DLG2: variants seen among roughly 807,000 people sequenced by gnomAD.
DLG2 encodes disks large homolog 2.
A neutral mutation model predicts 132.5 loss-of-function variants in DLG2; 45 were observed. That is an observed-to-expected ratio of 0.34 (90% CI 0.27 to 0.44). The LOEUF is 0.44. Ranked by LOEUF, DLG2 falls within the 20% of genes least tolerant of loss-of-function variation. DLG2 has a pLI of 1.00. For missense variants in DLG2, 1,045 were observed against 1,196.9 expected, an observed-to-expected ratio of 0.87 and a Z score of 1.87; for synonymous variants, 424 against 419.6, an observed-to-expected ratio of 1.01 and a Z score of -0.13.
chr11:84,690,934 C>T (rs1404991959), intron 6 of DLG2, among the ~76,000 whole-genome samples: 1 of 151,798 alleles, frequency 6.6e-6, no homozygotes, highest in Non-Finnish European at 1.5e-5. Context: ...GATTCTTTGC[C>T]TCCATATAAG....
At chr11:84,708,509 C>T (rs916646468) in intron 6 of DLG2, among the ~76,000 whole-genome samples, 1 of 151,760 alleles carries the variant, frequency 6.6e-6, no homozygotes, top group African/African-American at 2.4e-5. Context: ...TTTGCATATT[C>T]TGGGTTTCCT....
chr11:83,669,452 C>A (rs1227332728), intron 18 of DLG2, among the ~76,000 whole-genome samples: 1 of 152,020 alleles, frequency 6.6e-6, no homozygotes, highest in African/African-American at 2.4e-5. Context: ...CATTTCTATG[C>A]CAATGTATAC....
intron 14 of DLG2, among the ~76,000 whole-genome samples, chr11:83,956,590 C>A (rs1280056778): frequency 6.6e-6 from 1 of 152,174 alleles, no homozygotes; most frequent in Non-Finnish European, 1.5e-5. Context: ...GCACGGTGGG[C>A]CAAGTAGACA....
chr11:85,573,277 C>A (rs561863739), intron 3 of DLG2, among the ~76,000 whole-genome samples: 1 of 152,308 alleles, frequency 6.6e-6, no homozygotes, highest in South Asian at 2.1e-4. Flanking sequence ...CCTCCTTCCA[C>A]CACTTCACAA....
Position 83,621,195 on chromosome 11 carries a change from C to G in DLG2, c.1940+12016G>C, listed in dbSNP as rs182759341. On this transcript the variant is annotated intron_variant, in intron 19 of 27. Transcript: ENST00000376104. ...AATTCAAATATATATTATAATTTGC[C>G]TTTTTGTTTATTATTTTTAGAATTC... Among the ~76,000 whole-genome samples, 160 of 151,978 alleles carry G rather than the reference C, an allele frequency of 1.1e-3. 3 individuals are homozygous for G. The Middle Eastern group carries it at 0.014, about 13-fold the overall frequency.
At position 83,959,768 on chromosome 11, in the gene DLG2, T is replaced by G. The variant is rs142441681; in HGVS notation, c.1340+3117A>C. ...GCCTTTGAAAACAGACAGACCTGAA[T>G]TCAAATTTTGATTCTATTTGATTGC... On this transcript the variant is annotated intron_variant, in intron 14 of 27. Transcript: ENST00000376104. Among the ~76,000 whole-genome samples, 9 of 152,220 alleles carry G rather than the reference T, an allele frequency of 5.9e-5. No homozygotes were observed. In the East Asian group the frequency reaches 1.7e-3, roughly 29 times the overall value.
At chr11:84,729,501 T>C (rs1207845296) in intron 6 of DLG2, among the ~76,000 whole-genome samples, 1 of 152,154 alleles carries the variant, frequency 6.6e-6, no homozygotes, top group African/African-American at 2.4e-5. Context: ...CTTCCAATTA[T>C]GTGGTTAATT....
intron 6 of DLG2, among the ~76,000 whole-genome samples, chr11:84,914,694 G>A (rs538307118): frequency 2.0e-5 from 3 of 152,328 alleles, no homozygotes; most frequent in South Asian, 4.1e-4. Context: ...TCCTTTCGAG[G>A]CACTGGCCTG....
chr11:83,965,603 T>C (rs2089989794), intron 12 of DLG2, 135 bp from the exon 13 acceptor site: 2 of 696,018 alleles, frequency 2.9e-6, no homozygotes, highest in African/African-American at 1.9e-5. Flanking sequence ...ATGAATTAAA[T>C]GCATTAGTCA....
At chr11:84,300,367 A>G (rs1409140158) in intron 7 of DLG2, among the ~76,000 whole-genome samples, 1 of 152,194 alleles carries the variant, frequency 6.6e-6, no homozygotes. Context: ...TGAAAAAAAA[A>G]GAACATTCAG....
chr11:83,859,859 G>A (rs1490817639), intron 16 of DLG2, among the ~76,000 whole-genome samples: 1 of 152,120 alleles, frequency 6.6e-6, no homozygotes, highest in African/African-American at 2.4e-5. Context: ...CCTCTTCCGT[G>A]TGCAGTCTAG....
intron 18 of DLG2, among the ~76,000 whole-genome samples, chr11:83,646,018 T>A (rs1156311280): frequency 6.6e-6 from 1 of 152,142 alleles, no homozygotes; most frequent in Non-Finnish European, 1.5e-5. Flanking sequence ...TTTCTATAAC[T>A]CAATTTAAGA....
intron 6 of DLG2, among the ~76,000 whole-genome samples, chr11:84,550,115 TACACACACAC>T (rs60598747): frequency 2.9e-4 from 42 of 145,934 alleles, no homozygotes; most frequent in Non-Finnish European, 5.1e-4. Flanking sequence ...AACGAGCCTA[TACACACACAC>T]ACACACACAC....
rs193051070 is a variant in DLG2 at position 85,020,704 on chromosome 11, A to C, written c.357+90957T>G. On this transcript the variant is annotated intron_variant, in intron 6 of 27. Coordinates refer to ENST00000376104, the MANE Select transcript of DLG2 (RefSeq NM_001142699.3). The stretch of plus-strand genomic sequence containing the variant: ...TCCCTATTTAATAAATGGTGCTGGG[A>C]AAACTGGCTAGCCATATGTGGAAAG... 2.9e-4 allele frequency: 156 copies of C among 538,070 alleles called. 1 individual carries two copies. In the East Asian group the frequency reaches 4.3e-3, roughly 15 times the overall value. 33.3% of individuals were successfully genotyped at this position (538,070 alleles called of 1,614,324 possible). A position where few individuals can be genotyped will look rare whatever the true frequency, so the allele number is the denominator to read the frequency against.
chr11:84,051,334 T>C (rs998556276), intron 11 of DLG2, among the ~76,000 whole-genome samples: 3 of 151,976 alleles, frequency 2.0e-5, no homozygotes, highest in Admixed American at 6.6e-5. Context: ...CGTATGTTTA[T>C]TGTGGCACTA....
chr11:85,134,278 A>G (rs1178734634), intron 5 of DLG2, among the ~76,000 whole-genome samples: 1 of 151,106 alleles, frequency 6.6e-6, no homozygotes, highest in Non-Finnish European at 1.5e-5. Flanking sequence ...CATAAAAAGT[A>G]TACTTTCTTG....
chr11:84,255,106 G>A (rs771763411), intron 7 of DLG2, among the ~76,000 whole-genome samples: 1 of 152,060 alleles, frequency 6.6e-6, no homozygotes, highest in Non-Finnish European at 1.5e-5. Context: ...TTCTGAGCAT[G>A]GCCTATGAGT....
intron 11 of DLG2, among the ~76,000 whole-genome samples, chr11:84,025,457 G>A (rs2095513657): frequency 6.6e-6 from 1 of 152,128 alleles, no homozygotes; most frequent in Admixed American, 6.6e-5. Flanking sequence ...TGGGGACACA[G>A]CCAAACCATA....
chr11:83,747,015 C>A (rs1260824044), intron 18 of DLG2, among the ~76,000 whole-genome samples: 1 of 152,098 alleles, frequency 6.6e-6, no homozygotes, highest in Non-Finnish European at 1.5e-5. Flanking sequence ...ATTTAATTTT[C>A]TTGAGCCAAG....
Sources: gnomAD v4.1 joint callset for allele counts (sites outside exome capture counted in the v4.1 genomes callset) on GRCh38, gnomAD v4.1.1 for gene constraint, MANE v1.5 for transcripts, NCBI Gene and HGNC (gene_info 2026-07-23, HGNC 2026-07-21) for gene names.